The following AMPD1 variants were observed in gnomAD, a reference collection of about 807,000 sequenced individuals.
The protein encoded by AMPD1 is AMP deaminase 1.
A neutral mutation model predicts 82.9 loss-of-function variants in AMPD1; 74 were observed. That is an observed-to-expected ratio of 0.89 (90% confidence interval 0.74 to 1.08). The LOEUF (loss-of-function observed/expected upper bound fraction) is 1.08. Ranked by LOEUF, AMPD1 falls within the 50% of genes least tolerant of loss-of-function variation. The pLI, the probability that AMPD1 is intolerant of heterozygous loss-of-function variation, is 0.00. For synonymous variants in AMPD1, 333 were observed against 320.5 expected, an observed-to-expected ratio of 1.04 and a Z score of -0.42; for missense variants, 881 against 924.5, an observed-to-expected ratio of 0.95 and a Z score of 0.61.
intron 4 of AMPD1, 127 bp downstream of exon 4, chr1:114,686,618 T>A: frequency 1.1e-6 from 1 of 935,028 alleles, no homozygotes; most frequent in Middle Eastern, 2.2e-4. Flanking sequence ...AATGCAATAA[T>A]GAAGTGTAAC....
intron 13 of AMPD1, 123 bp downstream of exon 13, chr1:114,674,629 C>A: frequency 1.6e-6 from 2 of 1,258,536 alleles, no homozygotes; most frequent in South Asian, 1.4e-5. Context: ...ACTAAAAAAT[C>A]TTTTATGCTC....
intron 4 of AMPD1, among the ~76,000 whole-genome samples, chr1:114,685,117 C>T (rs973969315): frequency 6.6e-5 from 10 of 152,092 alleles, no homozygotes; most frequent in Non-Finnish European, 1.2e-4. Flanking sequence ...ATGCTTGTCC[C>T]CAGTAGTTTA....
At chr1:114,686,245 T>C (rs1658315753) in intron 4 of AMPD1, among the ~76,000 whole-genome samples, 1 of 152,162 alleles carries the variant, frequency 6.6e-6, no homozygotes, top group African/African-American at 2.4e-5. Flanking sequence ...TCATCTTCCT[T>C]CTTTTCTCTG....
chr1:114,674,699 A>C, intron 13 of AMPD1, 53 bp downstream of exon 13: 1 of 1,591,968 alleles, frequency 6.3e-7, no homozygotes, highest in East Asian at 2.2e-5. Context: ...GTTAAGGGAA[A>C]AAAGATTCCT....
intron 5 of AMPD1, among the ~76,000 whole-genome samples, chr1:114,683,866 A>G (rs1392988098): frequency 6.6e-6 from 1 of 152,212 alleles, no homozygotes; most frequent in African/African-American, 2.4e-5. Context: ...ATGTGCTCAG[A>G]TCTGTGTTTT....
At chr1:114,679,956 T>C (rs542426043) in intron 6 of AMPD1, among the ~76,000 whole-genome samples, 1 of 152,318 alleles carries the variant, frequency 6.6e-6, no homozygotes, top group Admixed American at 6.5e-5. Flanking sequence ...GAGAGAGTGT[T>C]ATTCAAAGTT....
At chr1:114,686,042 G>C (rs1240086678) in intron 4 of AMPD1, among the ~76,000 whole-genome samples, 1 of 152,194 alleles carries the variant, frequency 6.6e-6, no homozygotes, top group African/African-American at 2.4e-5. Flanking sequence ...CCATGTGGCA[G>C]AGATTTATTA....
At chr1:114,694,444 TA>T (rs1221478478) in intron 1 of AMPD1, among the ~76,000 whole-genome samples, 4 of 151,402 alleles carry the variant, frequency 2.6e-5, no homozygotes, top group African/African-American at 4.9e-5. Context: ...AGTGCCTTTT[TA>T]AAAAAAACTC....
chr1:114,673,361 T>C, intron 15 of AMPD1, 89 bp from the exon 16 acceptor site: 2 of 1,457,212 alleles, frequency 1.4e-6, no homozygotes, highest in Non-Finnish European at 1.9e-6. Context: ...ATTCCTTCCT[T>C]ATGTTAGCCA....
chr1:114,686,814 G>T lies in AMPD1; in HGVS notation c.312C>A (p.Ser104=). Residue 104 remains serine (S), a synonymous_variant, in exon 4 of 16, where the codon TCC becomes TCA. Transcript: ENST00000520113. ...GCACGGTCTGGTAGGTTGGAGATGA[G>T]GAAATGTATTCATCAATGTGGGACA... is the stretch of plus-strand genomic sequence containing the variant. ...TKLSHIDEYI[S]SSPTYQTVPD... 6.2e-7 allele frequency: 1 copy of T among 1,614,012 alleles called. No individual in the cohort carries two copies. The highest frequency in any genetic ancestry group is 8.5e-7 in the Non-Finnish European group (1 of 1,179,934).
At chr1:114,677,561 C>T in intron 9 of AMPD1, 47 bp from the exon 10 acceptor site, 2 of 1,612,334 alleles carry the variant, frequency 1.2e-6, no homozygotes, top group Non-Finnish European at 1.7e-6. Flanking sequence ...CCACAAGTTC[C>T]TCTGGGGTTC....
At chr1:114,689,311 T>A (rs959735837) in intron 2 of AMPD1, among the ~76,000 whole-genome samples, 5 of 152,024 alleles carry the variant, frequency 3.3e-5, no homozygotes, top group African/African-American at 9.7e-5. Flanking sequence ...CCAGACAACT[T>A]GGTGATATGC....
intron 5 of AMPD1, among the ~76,000 whole-genome samples, chr1:114,681,441 G>A (rs943256662): frequency 2.0e-5 from 3 of 151,618 alleles, no homozygotes; most frequent in South Asian, 2.1e-4. Flanking sequence ...CTAAAAATAC[G>A]AAAATTAGTT....
At chr1:114,689,603 T>C (rs1321451357) in intron 2 of AMPD1, among the ~76,000 whole-genome samples, 2 of 152,232 alleles carry the variant, frequency 1.3e-5, no homozygotes, top group Admixed American at 6.5e-5. Flanking sequence ...GATCCCTTGA[T>C]GGCAGGAGTT....
In AMPD1 at chr1:114,675,857, G is replaced by T. The variant is rs751358383; in HGVS notation, c.1515+20C>A. Reference sequence around the variant, plus strand: ...CTGGTTCATGAGCAGCAGTATGAAGGCCTGAAGGGTCATGCTTACATGCTT... The same window carrying T: ...CTGGTTCATGAGCAGCAGTATGAAGTCCTGAAGGGTCATGCTTACATGCTT... On this transcript the variant is annotated intron_variant, in intron 11 of 15. Transcript: ENST00000520113. The T allele has an allele frequency of 6.2e-7, 1 of 1,614,120 alleles. No homozygotes were observed. Among genetic ancestry groups the T allele is most frequent in the Non-Finnish European group, 8.5e-7 (1 of 1,179,972 alleles).
intron 3 of AMPD1, 79 bp from the exon 4 acceptor site, chr1:114,686,989 A>G: frequency 6.8e-7 from 1 of 1,462,558 alleles, no homozygotes; most frequent in Non-Finnish European, 9.6e-7. Context: ...GTTTCTCTAT[A>G]CAATTTTATT....
At chr1:114,694,701 G>T (rs1167255111) in intron 1 of AMPD1, among the ~76,000 whole-genome samples, 1 of 151,984 alleles carries the variant, frequency 6.6e-6, no homozygotes, top group Non-Finnish European at 1.5e-5. Flanking sequence ...AAAACTAGCT[G>T]GGCGTGGTGG....
chr1:114,693,528 G>A (rs892233124), intron 1 of AMPD1, 81 bp from the exon 2 acceptor site: 1 of 1,200,640 alleles, frequency 8.3e-7, no homozygotes, highest in Non-Finnish European at 1.2e-6. Context: ...CTGCTTTGGG[G>A]TAGACACATG....
At chr1:114,678,589 A>G in intron 7 of AMPD1, 62 bp from the exon 8 acceptor site, 1 of 1,467,410 alleles carries the variant, frequency 6.8e-7, no homozygotes, top group Non-Finnish European at 9.5e-7. Context: ...TACTCTGTTT[A>G]GAGGATATGG....
Sources: allele counts gnomAD v4.1 joint callset (sites outside exome capture counted in the v4.1 genomes callset), GRCh38; gene constraint gnomAD v4.1.1; transcripts MANE v1.5; gene names NCBI Gene and HGNC (gene_info 2026-07-23, HGNC 2026-07-21).